FAM171B: variants seen among roughly 807,000 people sequenced by gnomAD.
FAM171B encodes family with sequence similarity 171 member B, also known as protein FAM171B.
In FAM171B, 19 loss-of-function variants were observed where a neutral mutation model predicts 75.6. The observed-to-expected ratio is 0.25, with a 90% CI of 0.18 to 0.37. FAM171B has a LOEUF of 0.37. FAM171B is among the 10% of genes least tolerant of loss of function. The probability of loss-of-function intolerance (pLI) is 1.00; values close to 1 mark genes in which losing one functional copy is unlikely to be tolerated. For synonymous variants in FAM171B, 367 were observed against 361.7 expected (o/e 1.01, Z -0.17); for missense variants, 848 against 982.4 (o/e 0.86, Z 1.83).
At chr2:186,728,354 T>C (rs1029238653) in intron 1 of FAM171B, among the ~76,000 whole-genome samples, 19 of 152,208 alleles carry the variant, frequency 1.2e-4, no homozygotes, top group Non-Finnish European at 2.8e-4. Context: ...GTATTTTTCT[T>C]CACGTGTTGT....
chr2:186,732,926 A>G (rs537654270), intron 1 of FAM171B, among the ~76,000 whole-genome samples: 1 of 152,336 alleles, frequency 6.6e-6, no homozygotes, highest in Non-Finnish European at 1.5e-5. Context: ...CACCAGTTTC[A>G]GATTTTCTAT....
intron 1 of FAM171B, among the ~76,000 whole-genome samples, chr2:186,707,082 C>T (rs1255431457): frequency 6.6e-6 from 1 of 152,086 alleles, no homozygotes; most frequent in Non-Finnish European, 1.5e-5. Flanking sequence ...TCTAAGACTC[C>T]CCAGAGCTCA....
At chr2:186,710,134 T>C (rs1385109536) in intron 1 of FAM171B, among the ~76,000 whole-genome samples, 1 of 152,184 alleles carries the variant, frequency 6.6e-6, no homozygotes, top group Admixed American at 6.5e-5. Flanking sequence ...GTTTTTGCAT[T>C]TTTAAAAATC....
At chr2:186,725,514 A>T (rs1457566688) in intron 1 of FAM171B, among the ~76,000 whole-genome samples, 1 of 152,060 alleles carries the variant, frequency 6.6e-6, no homozygotes, top group Non-Finnish European at 1.5e-5. Context: ...AGTCTCAAGG[A>T]TAAGTATCTG....
chr2:186,701,873 T>A (rs1332293007), intron 1 of FAM171B, among the ~76,000 whole-genome samples: 1 of 152,240 alleles, frequency 6.6e-6, no homozygotes, highest in Non-Finnish European at 1.5e-5. Flanking sequence ...AACTTGATTC[T>A]CTTTCAATGT....
intron 1 of FAM171B, 23 bp downstream of exon 1, chr2:186,694,434 G>A (rs1031250549): frequency 6.3e-7 from 1 of 1,597,080 alleles, no homozygotes; most frequent in South Asian, 1.1e-5. Context: ...TGCCCAGCCC[G>A]GTCTTTCAGT....
rs941353461 is a variant in FAM171B at position 186,714,218 on chromosome 2, T to C, written c.238+19807T>C. On this transcript the variant is annotated intron_variant, in intron 1 of 7. Transcript: ENST00000304698. ...CCACAACAGAGAAGGGCATTAACATTATAATGGAGGCAGCGGATTGATTAA... is the reference window on the plus strand; with the variant it reads ...CCACAACAGAGAAGGGCATTAACATCATAATGGAGGCAGCGGATTGATTAA... 4.6e-5 allele frequency among the ~76,000 whole-genome samples: 7 copies of C among 152,238 alleles called. 1 individual carries two copies. The highest frequency in any genetic ancestry group is 6.8e-3 in the Middle Eastern group (2 of 294).
intron 5 of FAM171B, 52 bp from the exon 6 acceptor site, chr2:186,753,881 C>A: frequency 1.5e-6 from 2 of 1,361,210 alleles, no homozygotes; most frequent in South Asian, 1.2e-5. Context: ...TGTGCATGAC[C>A]ATCAGTTCTT....
At chr2:186,733,058 T>C (rs77386727) in intron 1 of FAM171B, among the ~76,000 whole-genome samples, 1,961 of 152,260 alleles carry the variant, frequency 0.013, 36 homozygotes, top group African/African-American at 0.042. Context: ...GGGTGGGTCC[T>C]CTCCTGCCTT....
At chr2:186,722,234 G>T (rs1007280416) in intron 1 of FAM171B, among the ~76,000 whole-genome samples, 1 of 152,116 alleles carries the variant, frequency 6.6e-6, no homozygotes, top group Admixed American at 6.5e-5. Flanking sequence ...CATAGTTTGG[G>T]ACCTGCCCCA....
At chr2:186,701,083 A>G (rs538302155) in intron 1 of FAM171B, among the ~76,000 whole-genome samples, 1 of 151,944 alleles carries the variant, frequency 6.6e-6, no homozygotes, top group South Asian at 2.1e-4. Context: ...TGCCTGGCTA[A>G]GTTTTGTATT....
chr2:186,757,774 T>C (rs1690554211), intron 6 of FAM171B, among the ~76,000 whole-genome samples: 1 of 152,154 alleles, frequency 6.6e-6, no homozygotes, highest in African/African-American at 2.4e-5. Context: ...ACTCTCTTGC[T>C]ACTGCCATAC....
chr2:186,745,011 G>A (rs1181013174), intron 3 of FAM171B, among the ~76,000 whole-genome samples: 4 of 151,752 alleles, frequency 2.6e-5, no homozygotes, highest in East Asian at 1.9e-4. Context: ...CTTATTTTTC[G>A]TAGAGATGGG....
At position 186,762,469 on chromosome 2, in the gene FAM171B, G is replaced by A. The variant is rs756051671; in HGVS notation, c.2127G>A (p.Val709=). Residue 709 remains valine, a synonymous_variant, in exon 8 of 8, where the codon GTG becomes GTA. Coordinates refer to ENST00000304698, the MANE Select transcript of FAM171B (RefSeq NM_177454.4). The surrounding 1 kb of genome is among the most constrained non-coding windows in gnomAD (Gnocchi z 4.0). The part of the protein sequence containing the change: ...QSNDTSLDSG[V]DMNELHSSRK... ...ATGACACCAGTCTGGACTCTGGGGT[G>A]GACATGAATGAGCTTCACTCAAGTA... The A allele has an allele frequency of 6.8e-6, 11 of 1,613,558 alleles. No homozygotes were observed. The South Asian group carries it at 1.1e-4, about 16-fold the overall frequency.
At chr2:186,712,728 C>T (rs1689826181) in intron 1 of FAM171B, among the ~76,000 whole-genome samples, 1 of 152,140 alleles carries the variant, frequency 6.6e-6, no homozygotes, top group African/African-American at 2.4e-5. Context: ...AGTTTTGTCA[C>T]TTTTTGGTCC....
chr2:186,695,408 C>G (rs1274195098), intron 1 of FAM171B: 2 of 152,124 alleles, frequency 1.3e-5, no homozygotes, highest in Admixed American at 6.6e-5. Context: ...TTTTCTGGCA[C>G]GAGGGCTTAG....
chr2:186,748,034 T>C (rs1690393030), intron 4 of FAM171B, among the ~76,000 whole-genome samples: 1 of 152,102 alleles, frequency 6.6e-6, no homozygotes. Context: ...GTGATCTTCC[T>C]ACCTAAGCCT....
intron 4 of FAM171B, 71 bp downstream of exon 4, chr2:186,747,321 C>CTATAATTTA (rs1489329300): frequency 1.8e-6 from 2 of 1,088,462 alleles, no homozygotes; most frequent in Non-Finnish European, 2.5e-6. Flanking sequence ...AAATATTTAG[C>CTATAATTTA]TATCTATAAT....
At chr2:186,760,990 A>T in intron 6 of FAM171B, 123 bp from the exon 7 acceptor site, 1 of 1,015,738 alleles carries the variant, frequency 9.8e-7, no homozygotes, top group Non-Finnish European at 1.4e-6. Flanking sequence ...GAAATCTGTC[A>T]TAGGAGGGGG....
Sources: gnomAD v4.1 joint callset for allele counts (sites outside exome capture counted in the v4.1 genomes callset) on GRCh38, gnomAD v4.1.1 for gene constraint, Gnocchi (gnomAD v3.1) non-coding constraint, MANE v1.5 for transcripts, NCBI Gene and HGNC (gene_info 2026-07-23, HGNC 2026-07-21) for gene names.